RNF228: variants seen among roughly 807,000 people sequenced by gnomAD.
The protein encoded by RNF228 is ring finger protein 228.
the RNF228 span, chr2:222,319,183 T>A: frequency 3.2e-6 from 1 of 310,456 alleles, no homozygotes; most frequent in East Asian, 4.6e-5. This position sits in a 1 kb window ranked among gnomAD's most constrained non-coding sequence, Gnocchi z 7.6. Flanking sequence ...AGTGCCAGGA[T>A]GCTGGCCACC....
chr2:222,319,636 G>A, the RNF228 span, among the ~76,000 whole-genome samples: 1 of 146,606 alleles, frequency 6.8e-6, no homozygotes, highest in South Asian at 2.1e-4. This position sits in a 1 kb window ranked among gnomAD's most constrained non-coding sequence, Gnocchi z 7.6. Flanking sequence ...GCCTCGGCTA[G>A]CTTGGTGTTG....
the RNF228 span, among the ~76,000 whole-genome samples, chr2:222,315,596 C>A: frequency 6.6e-6 from 1 of 152,100 alleles, no homozygotes; most frequent in East Asian, 1.9e-4. Context: ...CACACCAACT[C>A]CATGAGGTAG....
At chr2:222,314,479 C>T in the RNF228 span, among the ~76,000 whole-genome samples, 1 of 152,180 alleles carries the variant, frequency 6.6e-6, no homozygotes, top group Non-Finnish European at 1.5e-5. Context: ...CAAACTTGCA[C>T]TATAACAAAT....
the RNF228 span, among the ~76,000 whole-genome samples, chr2:222,316,694 T>C: frequency 6.6e-6 from 1 of 152,230 alleles, no homozygotes; most frequent in Non-Finnish European, 1.5e-5. Flanking sequence ...AGTATGCATA[T>C]ATTTTATACA....
chr2:222,317,240 G>T, the RNF228 span: 5 of 152,186 alleles, frequency 3.3e-5, no homozygotes, highest in Admixed American at 3.3e-4. Context: ...CATGAAAATA[G>T]ATATTTCTAT....
At chr2:222,318,783 C>CCG in the RNF228 span, 1 of 150,616 alleles carries the variant, frequency 6.6e-6, no homozygotes, top group Non-Finnish European at 1.5e-5. Flanking sequence ...CCCCCCCCCC[C>CCG]ACCAACATCC....
chr2:222,314,671 G>A, the RNF228 span, among the ~76,000 whole-genome samples: 1 of 152,176 alleles, frequency 6.6e-6, no homozygotes, highest in East Asian at 1.9e-4. Flanking sequence ...AATAACTGGG[G>A]GATTACTTAG....
the RNF228 span, among the ~76,000 whole-genome samples, chr2:222,316,599 C>T: frequency 3.3e-5 from 5 of 152,192 alleles, no homozygotes; most frequent in Admixed American, 1.3e-4. Flanking sequence ...AGACAGACTT[C>T]TAGGTTGCCA....
At chr2:222,316,077 C>T in the RNF228 span, among the ~76,000 whole-genome samples, 1 of 152,158 alleles carries the variant, frequency 6.6e-6, no homozygotes, top group Admixed American at 6.5e-5. Flanking sequence ...CCACTTTCAC[C>T]AGGAATCCTC....
the RNF228 span, among the ~76,000 whole-genome samples, chr2:222,316,632 A>C: frequency 2.0e-5 from 3 of 152,212 alleles, no homozygotes; most frequent in East Asian, 5.8e-4. Flanking sequence ...TAAAAAACTC[A>C]TGTGTGTGTA....
chr2:222,319,652 C>T, the RNF228 span, among the ~76,000 whole-genome samples: 2 of 143,872 alleles, frequency 1.4e-5, no homozygotes. The surrounding 1 kb of genome is among the most constrained non-coding windows in gnomAD (Gnocchi z 7.6). Flanking sequence ...TGTTGTTGGG[C>T]AGGCCGTGCA....
chr2:222,315,078 A>AT, the RNF228 span, among the ~76,000 whole-genome samples: 95,778 of 148,482 alleles, frequency 0.65, 31,455 homozygotes, highest in South Asian at 0.79. Context: ...TGCCATAAGT[A>AT]TTTTTTTTTT....
the RNF228 span, among the ~76,000 whole-genome samples, chr2:222,316,508 A>C: frequency 6.6e-6 from 1 of 152,214 alleles, no homozygotes; most frequent in Non-Finnish European, 1.5e-5. Context: ...GTTATGAGGA[A>C]TCTTTTAGGT....
At chr2:222,315,636 T>G in the RNF228 span, among the ~76,000 whole-genome samples, 1 of 152,168 alleles carries the variant, frequency 6.6e-6, no homozygotes, top group Non-Finnish European at 1.5e-5. Flanking sequence ...CCCCTAATTT[T>G]ATAGATGGGG....
At chr2:222,318,732 T>C in the RNF228 span, 1 of 147,650 alleles carries the variant, frequency 6.8e-6, no homozygotes, top group African/African-American at 2.5e-5. Context: ...GGGTGGTGCA[T>C]AACGCGGAGG....
chr2:222,318,245 C>T, the RNF228 span: 1 of 152,270 alleles, frequency 6.6e-6, no homozygotes, highest in South Asian at 2.1e-4. Flanking sequence ...GGAGATGAGA[C>T]TTCTAGGCTC....
the RNF228 span, among the ~76,000 whole-genome samples, chr2:222,315,197 G>A: frequency 3.9e-5 from 6 of 151,990 alleles, no homozygotes; most frequent in Admixed American, 1.3e-4. Flanking sequence ...AGTCACTTAA[G>A]ATTAATTCCA....
At chr2:222,319,255 G>A in the RNF228 span, 1 of 333,644 alleles carries the variant, frequency 3.0e-6, no homozygotes, top group African/African-American at 2.2e-5. This position sits in a 1 kb window ranked among gnomAD's most constrained non-coding sequence, Gnocchi z 7.6. Context: ...GCCTCGCCAG[G>A]GGGCGCCCCG....
the RNF228 span, chr2:222,317,991 CA>C: frequency 6.6e-6 from 1 of 151,834 alleles, no homozygotes; most frequent in Non-Finnish European, 1.5e-5. Flanking sequence ...TCTTAATGCA[CA>C]AAAATTTCCA....
Sources: gnomAD v4.1 joint callset for allele counts (sites outside exome capture counted in the v4.1 genomes callset) on GRCh38, gnomAD v4.1.1 for gene constraint, Gnocchi (gnomAD v3.1) non-coding constraint, MANE v1.5 for transcripts, NCBI Gene and HGNC (gene_info 2026-07-23, HGNC 2026-07-21) for gene names.